The following WDR36 variants were observed in gnomAD, a reference collection of about 807,000 sequenced individuals.
WDR36 encodes WD repeat-containing protein 36.
In WDR36, 63 loss-of-function variants were observed where a neutral mutation model predicts 112.7. That is an observed-to-expected ratio of 0.56 (90% confidence interval 0.46 to 0.69). WDR36 has a LOEUF of 0.69. Ranked by LOEUF, WDR36 falls within the 30% of genes least tolerant of loss-of-function variation. The pLI, the probability that WDR36 is intolerant of heterozygous loss-of-function variation, is 0.00. For missense variants in WDR36, 1,226 were observed against 1,070.3 expected, an observed-to-expected ratio of 1.15 and a Z score of -2.03; for synonymous variants, 410 against 362.2, an observed-to-expected ratio of 1.13 and a Z score of -1.50.
intron 1 of WDR36, 56 bp downstream of exon 1, chr5:111,092,674 T>C: frequency 6.4e-7 from 1 of 1,559,682 alleles, no homozygotes; most frequent in Non-Finnish European, 8.7e-7. Flanking sequence ...GGCCTCTAAC[T>C]CTGTCCTGGA....
At position 111,100,081 on chromosome 5, in the gene WDR36, G is replaced by A. The variant is rs1753091547; in HGVS notation, c.410-508G>A. On this transcript the variant is annotated intron_variant, in intron 4 of 22. Coordinates refer to ENST00000513710, the MANE Select transcript of WDR36 (RefSeq NM_139281.3). ...TACGTTTTTTTTTTCTCCTTTATTA[G>A]AGATTATTTTGTGGAAATGTGTGAG... 2.0e-5 allele frequency among the ~76,000 whole-genome samples: 3 copies of A among 151,578 alleles called. No individual in the cohort carries two copies. The South Asian group carries it at 6.2e-4, about 31-fold the overall frequency.
At chr5:111,100,882 T>TGGGG (rs200732914) in intron 5 of WDR36, among the ~76,000 whole-genome samples, 161 bp downstream of exon 5, 1,576 of 151,962 alleles carry the variant, frequency 0.01, 27 homozygotes, top group African/African-American at 0.036. Flanking sequence ...TCAATTAACC[T>TGGGG]GGGATCAAAA....
intron 19 of WDR36, among the ~76,000 whole-genome samples, 192 bp from the exon 20 acceptor site, chr5:111,123,602 GTGCTAGAGATC>G (rs1208642809): frequency 1.8e-4 from 27 of 152,162 alleles, no homozygotes; most frequent in African/African-American, 6.3e-4. Flanking sequence ...ATCGGCAAGG[GTGCTAGAGATC>G]TGCATTGGGA....
chr5:111,121,005 T>C lies in WDR36; in HGVS notation c.2012T>C (p.Val671Ala). 2 of 1,613,000 alleles carry C rather than the reference T, an allele frequency of 1.2e-6. No individual in the cohort carries two copies. Among genetic ancestry groups the C allele is most frequent in the Non-Finnish European group, 1.7e-6 (2 of 1,179,376 alleles). The change falls in exon 19 of 23, where the codon GTA (valine) becomes GCA (alanine). Residue 671 changes from valine (V) to alanine (A), a missense_variant. Val to Ala is a moderately conservative substitution (Grantham distance 64). Transcript: ENST00000513710. ...PGTCQTQDVE[V>A]SEETVEPSDE... is the part of the protein sequence containing the mutation. ...GAAAAATTTTTTTAAGATGTAGAAG[T>C]ATCAGAAGAAACAGTAGAACCAAGT... is the stretch of plus-strand genomic sequence containing the variant.
intron 6 of WDR36, 146 bp from the exon 7 acceptor site, chr5:111,103,640 A>AT (rs1753164583): frequency 3.1e-6 from 3 of 983,350 alleles, no homozygotes; most frequent in African/African-American, 3.3e-5. Context: ...GTATGCTTGA[A>AT]TGGTAATACT....
At chr5:111,102,515 C>G (rs1753141601) in intron 6 of WDR36, 116 bp downstream of exon 6, 1 of 1,042,704 alleles carries the variant, frequency 9.6e-7, no homozygotes. Flanking sequence ...CTTAGTTTAC[C>G]TTTAAAATTG....
rs1210831237 is a variant in WDR36, at chr5:111,128,633, TTC to T, written c.*1754_*1755del. The T allele has an allele frequency of 2.2e-5, 4 of 181,580 alleles. No homozygotes were observed. The highest frequency in any genetic ancestry group is 9.4e-5 in the African/African-American group (4 of 42,512). The allele number at this position is 181,580 out of a possible 1,614,324, so 11.2% of individuals were successfully genotyped here. A position where few individuals can be genotyped will look rare whatever the true frequency, so the allele number is the denominator to read the frequency against. On this transcript the variant is annotated 3_prime_UTR_variant, in exon 23 of 23. Transcript: ENST00000513710. ...TACAGAAATCATGAACCGAATTTTCTTCTCTTTTTAAAGTGAGCATAAAGACT... is the reference window on the plus strand; with the variant it reads ...TACAGAAATCATGAACCGAATTTTCTTCTTTTTAAAGTGAGCATAAAGACT...
At position 111,127,434 on chromosome 5, in the gene WDR36, A is replaced by G. The variant is rs535650957; in HGVS notation, c.*551A>G. ...GTTATAAAAATGCTGTTATGAAGAA[A>G]AAAGGAATGCTTTTTTCCTCGGTGG... On this transcript the variant is annotated 3_prime_UTR_variant, in exon 23 of 23. Transcript: ENST00000513710. The G allele has an allele frequency of 2.0e-4, 40 of 203,680 alleles. No homozygotes were observed. Among genetic ancestry groups the G allele is most frequent in the African/African-American group, 7.5e-4 (33 of 43,910 alleles). 12.6% of individuals were successfully genotyped at this position (203,680 alleles called of 1,614,324 possible).
At chr5:111,101,011 A>G (rs189736217) in intron 5 of WDR36, among the ~76,000 whole-genome samples, 1 of 152,142 alleles carries the variant, frequency 6.6e-6, no homozygotes, top group East Asian at 1.9e-4. Flanking sequence ...TAAGTAAGCT[A>G]GAGATTATTT....
intron 15 of WDR36, 30 bp from the exon 16 acceptor site, chr5:111,113,044 A>C: frequency 9.8e-6 from 4 of 406,608 alleles, no homozygotes; most frequent in Non-Finnish European, 1.4e-5. Context: ...TAATATATAT[A>C]TATATATATT....
In WDR36 at chr5:111,111,036, C is replaced by G. The variant is rs548297041; in HGVS notation, c.1607+83C>G. 117 of 1,574,764 alleles carry G rather than the reference C, an allele frequency of 7.4e-5. 2 individuals are homozygous for G. In the South Asian group the frequency reaches 1.2e-3, roughly 16 times the overall value. ...TCACAATTTACCAAGTGGGAAAAATCAGACTCTTTAATAAAGAACAACATT... is the reference window on the plus strand; with the variant it reads ...TCACAATTTACCAAGTGGGAAAAATGAGACTCTTTAATAAAGAACAACATT... On this transcript the variant is annotated intron_variant, in intron 14 of 22. Coordinates refer to ENST00000513710, the MANE Select transcript of WDR36 (RefSeq NM_139281.3).
chr5:111,103,823 C>T lies in WDR36; in HGVS notation c.635C>T (p.Ser212Leu), dbSNP rs1260752906. 10 of 1,611,164 alleles carry T rather than the reference C, an allele frequency of 6.2e-6. No homozygotes were observed. Among genetic ancestry groups the T allele is most frequent in the Non-Finnish European group, 8.5e-6 (10 of 1,178,182 alleles). Residue 212 changes from serine to leucine, a missense_variant, in exon 7 of 23, where the codon TCA (serine) becomes TTA (leucine). Ser to Leu is a moderately radical substitution (Grantham distance 145). Transcript: ENST00000513710. ...GATGTTGTTGCTATTGGTCTTATGTCAGGTCAAGTTATCATTCACAACATT... is the reference window on the plus strand; with the variant it reads ...GATGTTGTTGCTATTGGTCTTATGTTAGGTCAAGTTATCATTCACAACATT... ...AVDVVAIGLM[S>L]GQVIIHNIKF...
Position 111,097,188 on chromosome 5 carries a change from C to G in WDR36, c.291+9C>G, listed in dbSNP as rs755977268. On this transcript the variant is annotated intron_variant, in intron 3 of 22. Coordinates refer to ENST00000513710, the MANE Select transcript of WDR36 (RefSeq NM_139281.3). ...TTGCCCGTAATAAAGAGGTTGGTATCGCTAAACTACTTGTTTGTCAGTCAG... is the reference window on the plus strand; with the variant it reads ...TTGCCCGTAATAAAGAGGTTGGTATGGCTAAACTACTTGTTTGTCAGTCAG... 5.7e-6 allele frequency: 9 copies of G among 1,591,736 alleles called. No homozygotes were observed. The highest frequency in any genetic ancestry group is 7.8e-6 in the Non-Finnish European group (9 of 1,160,320).
chr5:111,113,408 G>A (rs568169800), intron 16 of WDR36, among the ~76,000 whole-genome samples: 13 of 148,456 alleles, frequency 8.8e-5, no homozygotes, highest in African/African-American at 2.0e-4. Flanking sequence ...ATACAGAAGC[G>A]AGATGCCTAA....
intron 6 of WDR36, among the ~76,000 whole-genome samples, chr5:111,103,225 A>G (rs1052107758): frequency 3.3e-5 from 5 of 151,930 alleles, no homozygotes; most frequent in African/African-American, 7.2e-5. Context: ...AGAGAAATTC[A>G]TAATAGAGCC....
At chr5:111,107,532 A>T in intron 12 of WDR36, 93 bp downstream of exon 12, 1 of 1,504,406 alleles carries the variant, frequency 6.6e-7, no homozygotes, top group South Asian at 1.2e-5. Flanking sequence ...ATATTGACTG[A>T]AAAAACGTAG....
chr5:111,118,112 T>C (rs1753493224), intron 16 of WDR36, among the ~76,000 whole-genome samples: 1 of 152,184 alleles, frequency 6.6e-6, no homozygotes, highest in Admixed American at 6.5e-5. Context: ...TGACTTTCCA[T>C]CGATTATAAG....
chr5:111,093,910 C>T (rs559251781), intron 1 of WDR36, among the ~76,000 whole-genome samples: 4 of 152,270 alleles, frequency 2.6e-5, no homozygotes, highest in African/African-American at 7.2e-5. Context: ...CTAGTTCTAA[C>T]ACTGATGATA....
chr5:111,102,597 T>C (rs756148595), intron 6 of WDR36, among the ~76,000 whole-genome samples, 198 bp downstream of exon 6: 5 of 151,776 alleles, frequency 3.3e-5, no homozygotes, highest in East Asian at 1.9e-4. Context: ...ATAACACTTA[T>C]TGGAGTCCTT....
Sources: gnomAD v4.1 joint callset for allele counts (sites outside exome capture counted in the v4.1 genomes callset) on GRCh38, gnomAD v4.1.1 for gene constraint, MANE v1.5 for transcripts, NCBI Gene and HGNC (gene_info 2026-07-23, HGNC 2026-07-21) for gene names.